The following LRMDA variants were observed in gnomAD, a reference collection of about 807,000 sequenced individuals.
LRMDA encodes the protein leucine-rich melanocyte differentiation-associated protein.
In LRMDA, 18 loss-of-function variants were observed where a neutral mutation model predicts 29.8. The ratio of observed to expected loss-of-function variants is 0.60; its 90% CI spans 0.42 to 0.90. The LOEUF (loss-of-function observed/expected upper bound fraction) is 0.90, where lower values mean the gene tolerates loss of function less well. LRMDA is among the 40% of genes least tolerant of loss of function. The pLI is 0.00. For missense variants in LRMDA, 273 were observed against 273.9 expected (o/e 1.00, Z 0.02); for synonymous variants, 125 against 109.4 (o/e 1.14, Z -0.89).
rs1843562527 is a variant in LRMDA, at chr10:75,791,395, A to G, written c.132-244613A>G. On this transcript the variant is annotated intron_variant, in intron 2 of 6. Transcript: ENST00000611255. ...ACAAAAGCTGAAACTGTATTGATAT[A>G]CAACCAAACAAGGAAATTATCATTA... Among the ~76,000 whole-genome samples the G allele has an allele frequency of 2.0e-5, 3 of 152,356 alleles. No homozygotes were observed. In the South Asian group the frequency reaches 6.2e-4, roughly 32 times the overall value.
intron 2 of LRMDA, among the ~76,000 whole-genome samples, chr10:75,908,454 T>C (rs1845793672): frequency 6.6e-6 from 1 of 152,258 alleles, no homozygotes; most frequent in Non-Finnish European, 1.5e-5. Flanking sequence ...GCAATGGAAA[T>C]TTCTTACAAG....
At chr10:76,300,191 G>A (rs1248093913) in intron 5 of LRMDA, among the ~76,000 whole-genome samples, 2 of 152,182 alleles carry the variant, frequency 1.3e-5, no homozygotes, top group Non-Finnish European at 2.9e-5. Context: ...TTAAAGAGTT[G>A]TAAATATTTC....
chr10:75,741,117 C>T (rs1426108702), intron 2 of LRMDA, among the ~76,000 whole-genome samples: 1 of 152,130 alleles, frequency 6.6e-6, no homozygotes, highest in Admixed American at 6.5e-5. Flanking sequence ...GCAAGCCTGC[C>T]TGGTAAAGAG....
chr10:75,974,584 T>C (rs895512855), intron 2 of LRMDA, among the ~76,000 whole-genome samples: 11 of 152,186 alleles, frequency 7.2e-5, no homozygotes, highest in Admixed American at 1.3e-4. Flanking sequence ...GAGTTTCACA[T>C]TCATGAACTC....
At chr10:76,441,685 C>T (rs1476948372) in intron 6 of LRMDA, among the ~76,000 whole-genome samples, 3 of 152,150 alleles carry the variant, frequency 2.0e-5, no homozygotes, top group South Asian at 2.1e-4. Flanking sequence ...TGTGGATGTG[C>T]GAGGCTCTGC....
Position 75,935,752 on chromosome 10 carries a change from C to T in LRMDA, c.132-100256C>T, listed in dbSNP as rs1846279630. On this transcript the variant is annotated intron_variant, in intron 2 of 6. Transcript: ENST00000611255. ...AGTGGTGAGTTTGGAGAGGGAGTGG[C>T]AGGAAGTCCTTCTCCCACCACTGGG... Among the ~76,000 whole-genome samples the T allele has an allele frequency of 2.0e-5, 3 of 152,232 alleles. No homozygotes were observed. In the South Asian group the frequency reaches 6.2e-4, roughly 32 times the overall value.
intron 6 of LRMDA, among the ~76,000 whole-genome samples, chr10:76,469,974 A>T (rs983688242): frequency 1.3e-5 from 2 of 152,126 alleles, no homozygotes; most frequent in Non-Finnish European, 2.9e-5. Context: ...CCCTATGATC[A>T]TGGATTAACA....
chr10:75,875,720 C>T (rs776595472), intron 2 of LRMDA, among the ~76,000 whole-genome samples: 7 of 152,346 alleles, frequency 4.6e-5, no homozygotes, highest in East Asian at 1.9e-4. Context: ...GCGTGAGCCA[C>T]GGTGCCCAGC....
intron 6 of LRMDA, among the ~76,000 whole-genome samples, chr10:76,339,683 T>G (rs972343267): frequency 5.3e-5 from 8 of 151,846 alleles, no homozygotes; most frequent in African/African-American, 1.7e-4. Flanking sequence ...CATTTAACAT[T>G]AGGAATAATG....
intron 2 of LRMDA, among the ~76,000 whole-genome samples, chr10:75,938,715 T>C (rs1306546705): frequency 6.6e-6 from 1 of 152,152 alleles, no homozygotes; most frequent in Non-Finnish European, 1.5e-5. Context: ...CTTTAAAGTG[T>C]AGTATCTGTT....
chr10:76,392,879 C>T (rs938946017), intron 6 of LRMDA, among the ~76,000 whole-genome samples: 11 of 152,074 alleles, frequency 7.2e-5, no homozygotes, highest in Admixed American at 1.3e-4. Flanking sequence ...CCACCATTCT[C>T]CTCTCTGCTT....
chr10:76,348,187 AT>A (rs1276463481), intron 6 of LRMDA, among the ~76,000 whole-genome samples: 1 of 152,212 alleles, frequency 6.6e-6, no homozygotes, highest in Non-Finnish European at 1.5e-5. Context: ...GTACACAGTT[AT>A]CCCCTCAAAT....
intron 5 of LRMDA, among the ~76,000 whole-genome samples, chr10:76,201,465 A>C (rs765106063): frequency 5.9e-5 from 9 of 152,232 alleles, no homozygotes; most frequent in Non-Finnish European, 1.2e-4. Flanking sequence ...ACTTGTAAGC[A>C]CCAGAGCTAG....
intron 6 of LRMDA, among the ~76,000 whole-genome samples, chr10:76,336,115 A>G (rs1840965037): frequency 8.5e-6 from 1 of 118,246 alleles, no homozygotes; most frequent in African/African-American, 4.4e-5. Context: ...TAGAGAAATC[A>G]CCATTCCCCA....
Position 75,760,930 on chromosome 10 carries a change from G to A in LRMDA, c.132-275078G>A, listed in dbSNP as rs117736057. Among the ~76,000 whole-genome samples the A allele has an allele frequency of 2.4e-3, 362 of 152,254 alleles. 1 individual carries two copies. The highest frequency in any genetic ancestry group is 3.7e-3 in the Non-Finnish European group (254 of 68,032). On this transcript the variant is annotated intron_variant, in intron 2 of 6. Transcript: ENST00000611255. Reference sequence around the variant, plus strand: ...AGGAGAGATGCCTCAAGTGTGTGCTGTCCTGCCTTCAACAAGAGAATGAGA... The same window carrying A: ...AGGAGAGATGCCTCAAGTGTGTGCTATCCTGCCTTCAACAAGAGAATGAGA...
intron 2 of LRMDA, among the ~76,000 whole-genome samples, chr10:75,649,383 G>T (rs780965316): frequency 1.3e-5 from 2 of 152,064 alleles, no homozygotes; most frequent in Non-Finnish European, 2.9e-5. Flanking sequence ...CCACCTTTTG[G>T]CTATTGTGCT....
intron 5 of LRMDA, among the ~76,000 whole-genome samples, chr10:76,147,950 C>G (rs1273014835): frequency 3.3e-5 from 5 of 152,198 alleles, no homozygotes; most frequent in African/African-American, 1.2e-4. Context: ...TAGAGGTCCA[C>G]TCTAGACCCT....
chr10:76,249,950 G>A (rs7089694), intron 5 of LRMDA, among the ~76,000 whole-genome samples: 1,914 of 152,218 alleles, frequency 0.013, 37 homozygotes, highest in African/African-American at 0.043. Flanking sequence ...TTACAGGCAT[G>A]TGCCACCACG....
At chr10:76,503,590 TG>T (rs1019775677) in intron 6 of LRMDA, among the ~76,000 whole-genome samples, 35 of 152,064 alleles carry the variant, frequency 2.3e-4, no homozygotes, top group African/African-American at 5.5e-4. Context: ...ATCCATTTCC[TG>T]TAGATTTTCT....
Sources: allele counts gnomAD v4.1 joint callset (sites outside exome capture counted in the v4.1 genomes callset), GRCh38; gene constraint gnomAD v4.1.1; transcripts MANE v1.5; gene names NCBI Gene and HGNC (gene_info 2026-07-23, HGNC 2026-07-21).